SKI: variants seen among roughly 807,000 people sequenced by gnomAD.
The protein encoded by SKI is ski oncogene.
Under a neutral mutation model 59.3 loss-of-function variants are expected in SKI, and 23 were observed. The ratio of observed to expected loss-of-function variants is 0.39; its 90% CI spans 0.28 to 0.55. The LOEUF (loss-of-function observed/expected upper bound fraction) is 0.55, where lower values mean the gene tolerates loss of function less well. Among genes scored for constraint, SKI ranks in the 20% least tolerant of loss-of-function variants. The probability of loss-of-function intolerance (pLI) is 0.67; values close to 1 mark genes in which losing one functional copy is unlikely to be tolerated. For missense variants in SKI, 1,017 were observed against 1,038.9 expected (o/e 0.98, Z 0.29); for synonymous variants, 673 against 488.6 (o/e 1.38, Z -4.98).
At chr1:2,243,835 C>T (rs993048355) in intron 1 of SKI, among the ~76,000 whole-genome samples, 1 of 152,152 alleles carries the variant, frequency 6.6e-6, no homozygotes, top group Non-Finnish European at 1.5e-5. Context: ...CTATAGATTG[C>T]TTTTGTATGT....
chr1:2,253,819 G>C (rs1484633548), intron 1 of SKI, among the ~76,000 whole-genome samples: 1 of 152,224 alleles, frequency 6.6e-6, no homozygotes, highest in Non-Finnish European at 1.5e-5. Flanking sequence ...AGGGCTGAGA[G>C]CCCACAGTGA....
intron 1 of SKI, among the ~76,000 whole-genome samples, chr1:2,241,728 A>G (rs560609703): frequency 1.3e-5 from 2 of 152,188 alleles, no homozygotes; most frequent in African/African-American, 4.8e-5. Context: ...CCCAGGCATC[A>G]TCTTATTTCA....
intron 1 of SKI, among the ~76,000 whole-genome samples, chr1:2,242,758 G>A (rs1638906481): frequency 6.6e-6 from 1 of 152,160 alleles, no homozygotes; most frequent in South Asian, 2.1e-4. Flanking sequence ...GGGCTCAAGT[G>A]ATCCTCCTGC....
chr1:2,252,541 C>T (rs555053702), intron 1 of SKI, among the ~76,000 whole-genome samples: 6 of 152,318 alleles, frequency 3.9e-5, no homozygotes, highest in African/African-American at 1.4e-4. Flanking sequence ...TTTCCACACT[C>T]GAGAGAAACC....
chr1:2,240,217 G>A (rs752709100), intron 1 of SKI, among the ~76,000 whole-genome samples: 1 of 152,246 alleles, frequency 6.6e-6, no homozygotes, highest in Non-Finnish European at 1.5e-5. Flanking sequence ...CACTTTCTGG[G>A]ACCTTGGCCG....
Position 2,308,562 on chromosome 1 carries a change from C to T in SKI, c.*1797C>T, listed in dbSNP as rs1213510666. On this transcript the variant is annotated 3_prime_UTR_variant, in exon 7 of 7. Transcript: ENST00000378536. The stretch of plus-strand genomic sequence containing the variant: ...CTTGTAAAGGGTCGGTTTTGTTATG[C>T]AACATGCAGAATGCTGTTTTTAGCC... 2 of 152,098 alleles carry T rather than the reference C, an allele frequency of 1.3e-5. No individual in the cohort carries two copies. Among genetic ancestry groups the T allele is most frequent in the Admixed American group, 6.5e-5 (1 of 15,270 alleles). 9.4% of individuals were successfully genotyped at this position (152,098 alleles called of 1,614,324 possible). A position where few individuals can be genotyped will look rare whatever the true frequency, so the allele number is the denominator to read the frequency against.
At chr1:2,291,011 G>A (rs1037428990) in intron 1 of SKI, among the ~76,000 whole-genome samples, 7 of 152,182 alleles carry the variant, frequency 4.6e-5, no homozygotes, top group Non-Finnish European at 1.0e-4. Context: ...CGGCCATTAC[G>A]GGCCGCGCCT....
intron 1 of SKI, among the ~76,000 whole-genome samples, chr1:2,297,771 T>A (rs755386350): frequency 1.3e-5 from 2 of 152,262 alleles, no homozygotes; most frequent in Non-Finnish European, 2.9e-5. Flanking sequence ...TGTGCCTGGT[T>A]GCGGATGCTG....
At position 2,307,374 on chromosome 1, in the gene SKI, C is replaced by G. The variant is rs913048626; in HGVS notation, c.*609C>G. 6.6e-6 allele frequency: 1 copy of G among 152,398 alleles called. No homozygotes were observed. Among genetic ancestry groups the G allele is most frequent in the East Asian group, 1.9e-4 (1 of 5,196 alleles). 9.4% of individuals were successfully genotyped at this position (152,398 alleles called of 1,614,324 possible). On this transcript the variant is annotated 3_prime_UTR_variant, in exon 7 of 7. Coordinates refer to ENST00000378536, the MANE Select transcript of SKI (RefSeq NM_003036.4). Reference sequence around the variant, plus strand: ...CGAACACTGCCCGCCTTACTGCCGCCTACCCCGCCCGCCACGCCGCCGTCG... The same window carrying G: ...CGAACACTGCCCGCCTTACTGCCGCGTACCCCGCCCGCCACGCCGCCGTCG...
intron 1 of SKI, among the ~76,000 whole-genome samples, chr1:2,292,748 G>A (rs116221999): frequency 6.6e-4 from 100 of 152,366 alleles, no homozygotes; most frequent in African/African-American, 2.3e-3. Context: ...TGGGGAGGAC[G>A]TGAGGGCCTG....
At chr1:2,266,752 T>C (rs1639508709) in intron 1 of SKI, among the ~76,000 whole-genome samples, 1 of 152,146 alleles carries the variant, frequency 6.6e-6, no homozygotes, top group African/African-American at 2.4e-5. Flanking sequence ...ACTCCATTTG[T>C]AAAATGAGAT....
chr1:2,295,776 C>CTCCT (rs1640271965), intron 1 of SKI, among the ~76,000 whole-genome samples: 1 of 152,178 alleles, frequency 6.6e-6, no homozygotes, highest in South Asian at 2.1e-4. Flanking sequence ...ATTTTCAAGG[C>CTCCT]TCCTTCCTTC....
intron 1 of SKI, among the ~76,000 whole-genome samples, chr1:2,271,073 G>A (rs1247249047): frequency 6.6e-6 from 1 of 152,164 alleles, no homozygotes; most frequent in African/African-American, 2.4e-5. Context: ...GGAGGGATGC[G>A]CGACTTGGGC....
chr1:2,301,954 G>C (rs921039812), intron 1 of SKI, among the ~76,000 whole-genome samples: 26 of 152,252 alleles, frequency 1.7e-4, no homozygotes, highest in African/African-American at 2.4e-5. Flanking sequence ...TAGAGGAATG[G>C]CCCATTTTAC....
rs12059777 is a variant in SKI at position 2,233,333 on chromosome 1, G to A, written c.969+3598G>A. 4.3e-3 allele frequency among the ~76,000 whole-genome samples: 660 copies of A among 152,190 alleles called. 8 individuals are homozygous for A. The highest frequency in any genetic ancestry group is 0.015 in the African/African-American group (628 of 41,508). ...CTGCTCCGAGGGGGCCGGGCGTCCT[G>A]TTCCTAGGGGCGGTGGGCTGCCTGT... On this transcript the variant is annotated intron_variant, in intron 1 of 6. Coordinates refer to ENST00000378536, the MANE Select transcript of SKI (RefSeq NM_003036.4).
chr1:2,291,168 CTGTT>C (rs145027287), intron 1 of SKI, among the ~76,000 whole-genome samples: 6,613 of 152,344 alleles, frequency 0.043, 454 homozygotes, highest in African/African-American at 0.15. Context: ...TCTTGGGAGT[CTGTT>C]TATTCTTTTA....
chr1:2,229,777 G>C lies in SKI; in HGVS notation c.969+42G>C, dbSNP rs1245684895. On this transcript the variant is annotated intron_variant, in intron 1 of 6. Transcript: ENST00000378536. This position sits in a 1 kb window ranked among gnomAD's most constrained non-coding sequence, Gnocchi z 6.3. ...CTGGGAGCTGGGGAGGATGCGCTTG[G>C]GGTGGGGGCCCCTTCTGGACTACAG... The C allele has an allele frequency of 4.5e-6, 7 of 1,549,722 alleles. No homozygotes were observed. Among genetic ancestry groups the C allele is most frequent in the Non-Finnish European group, 6.1e-6 (7 of 1,146,990 alleles).
intron 1 of SKI, among the ~76,000 whole-genome samples, chr1:2,250,878 C>T (rs1032366384): frequency 5.3e-5 from 8 of 152,258 alleles, no homozygotes; most frequent in Non-Finnish European, 4.4e-5. Flanking sequence ...AGGTGGGTAG[C>T]GGCAGCCCCG....
chr1:2,282,980 G>A (rs1421601007), intron 1 of SKI, among the ~76,000 whole-genome samples: 10 of 152,282 alleles, frequency 6.6e-5, no homozygotes, highest in Non-Finnish European at 1.3e-4. Flanking sequence ...TTCCCTTGCC[G>A]GTGCTGGGAG....
Sources: allele counts gnomAD v4.1 joint callset (sites outside exome capture counted in the v4.1 genomes callset), GRCh38; gene constraint gnomAD v4.1.1; non-coding constraint Gnocchi (gnomAD v3.1); transcripts MANE v1.5; gene names NCBI Gene and HGNC (gene_info 2026-07-23, HGNC 2026-07-21).